The following HYDIN variants were observed in gnomAD, a reference collection of about 807,000 sequenced individuals.
HYDIN encodes HYDIN axonemal central pair apparatus protein, also known as axonemal central pair apparatus protein HYDIN.
In HYDIN, 132 loss-of-function variants were observed where a neutral mutation model predicts 403.9. That is an observed-to-expected ratio of 0.33 (90% CI 0.28 to 0.38). HYDIN has a LOEUF of 0.38. Among genes scored for constraint, HYDIN ranks in the 10% least tolerant of loss-of-function variants. The pLI, the probability that HYDIN is intolerant of heterozygous loss-of-function variation, is 1.00. For missense variants in HYDIN, 2,827 were observed against 5,009.5 expected, an observed-to-expected ratio of 0.56 and a Z score of 13.15; for synonymous variants, 1,202 against 1,891.7, an observed-to-expected ratio of 0.64 and a Z score of 9.46.
chr16:70,961,485 C>G (rs1188433524), intron 38 of HYDIN, among the ~76,000 whole-genome samples: 1 of 152,158 alleles, frequency 6.6e-6, no homozygotes, highest in African/African-American at 2.4e-5. Flanking sequence ...CCCCATGAAC[C>G]CAGTTTCACT....
At chr16:71,098,671 C>T (rs1212790599) in intron 10 of HYDIN, among the ~76,000 whole-genome samples, 2 of 147,012 alleles carry the variant, frequency 1.4e-5, no homozygotes, top group South Asian at 2.1e-4. Context: ...GAATAAACTG[C>T]AGGACTATTT....
rs1356313252 is a variant in HYDIN, at chr16:70,804,716, C to A, written c.*2864G>T. Reference sequence around the variant, plus strand: ...CAGGGTCTACGTGATTCTGAAACAGCAGGCACCAAACAGCTATGAGGAAGC... The same window carrying A: ...CAGGGTCTACGTGATTCTGAAACAGAAGGCACCAAACAGCTATGAGGAAGC... On this transcript the variant is annotated 3_prime_UTR_variant, in exon 86 of 86. Transcript: ENST00000393567. Among the ~76,000 whole-genome samples the A allele has an allele frequency of 6.6e-6, 1 of 152,226 alleles. No individual in the cohort carries two copies. The highest frequency in any genetic ancestry group is 2.4e-5 in the African/African-American group (1 of 41,458).
chr16:71,107,476 GA>G (rs1306021584), intron 10 of HYDIN, among the ~76,000 whole-genome samples: 1 of 149,848 alleles, frequency 6.7e-6, no homozygotes, highest in Non-Finnish European at 1.5e-5. Flanking sequence ...CAATTTATAA[GA>G]AAAAAACAAA....
chr16:71,026,745 TA>T (rs1391553083), intron 20 of HYDIN, among the ~76,000 whole-genome samples: 12 of 152,384 alleles, frequency 7.9e-5, no homozygotes, highest in African/African-American at 2.9e-4. Flanking sequence ...AGAAATAATC[TA>T]ATGAAATAAA....
At chr16:70,981,625 C>T (rs1447788688) in intron 28 of HYDIN, 57 bp from the exon 29 acceptor site, 2 of 1,493,332 alleles carry the variant, frequency 1.3e-6, no homozygotes, top group Middle Eastern at 1.9e-4. Context: ...ACAGGTTCAA[C>T]TCATTAAATT....
chr16:71,106,168 CCTCTCTCT>C (rs10549453), intron 10 of HYDIN, among the ~76,000 whole-genome samples: 1 of 144,700 alleles, frequency 6.9e-6, no homozygotes, highest in Non-Finnish European at 1.5e-5. Flanking sequence ...TCCCTCCCTC[CCTCTCTCT>C]CTCTCTCTCT....
chr16:71,136,079 A>G (rs1459447909), intron 8 of HYDIN, among the ~76,000 whole-genome samples: 1 of 150,028 alleles, frequency 6.7e-6, no homozygotes, highest in Non-Finnish European at 1.5e-5. Context: ...TGAAAGCAGC[A>G]AAAGTGTTAA....
At chr16:70,961,603 G>GGCCCAACT (rs2078421882) in intron 38 of HYDIN, among the ~76,000 whole-genome samples, 1 of 152,154 alleles carries the variant, frequency 6.6e-6, no homozygotes, top group Non-Finnish European at 1.5e-5. Context: ...GCTCCCTAAT[G>GGCCCAACT]GCCCAACTGG....
At chr16:71,020,865 C>T (rs934708481) in intron 21 of HYDIN, among the ~76,000 whole-genome samples, 6 of 146,666 alleles carry the variant, frequency 4.1e-5, no homozygotes, top group Non-Finnish European at 7.5e-5. Context: ...AAAAGTGGAC[C>T]TACATAACCC....
intron 16 of HYDIN, chr16:71,062,601 C>T (rs978892952): frequency 1.1e-4 from 34 of 322,474 alleles, no homozygotes; most frequent in African/African-American, 4.5e-4. Flanking sequence ...CAGCTTTCCA[C>T]TTTCCTTAGG....
Position 71,027,618 on chromosome 16 carries a change from T to C in HYDIN, c.3026A>G (p.Tyr1009Cys). The C allele has an allele frequency of 1.2e-6, 2 of 1,613,988 alleles. No individual in the cohort carries two copies. Among genetic ancestry groups the C allele is most frequent in the Non-Finnish European group, 1.7e-6 (2 of 1,179,998 alleles). ...TCCCCTTACCCTGGGAGTAGCAGAA[T>C]AGCCTTCGAGTATCACATCAATTGC... is the stretch of plus-strand genomic sequence containing the variant. ...GQAIDVILEG[Y>C]SATPRIVKEK... The change falls in exon 20 of 86, where the codon TAT (tyrosine) becomes TGT (cysteine). Residue 1009 changes from tyrosine (Y) to cysteine (C), a missense_variant. Physicochemically the swap from Tyr to Cys is radical, Grantham distance 194 (BLOSUM62 -2). Transcript: ENST00000393567.
chr16:70,886,677 T>C (rs2143703159), intron 58 of HYDIN, among the ~76,000 whole-genome samples: 1 of 152,372 alleles, frequency 6.6e-6, no homozygotes, highest in South Asian at 2.1e-4. Context: ...AGAAATATTT[T>C]TGCTGGATAT....
intron 69 of HYDIN, 144 bp from the exon 70 acceptor site, chr16:70,861,045 C>G: frequency 1.6e-6 from 1 of 609,026 alleles, no homozygotes; most frequent in Non-Finnish European, 2.9e-6. Flanking sequence ...TAGCATCACT[C>G]AGTGCCTTGA....
intron 17 of HYDIN, among the ~76,000 whole-genome samples, chr16:71,061,556 T>G (rs1474582568): frequency 1.3e-5 from 2 of 152,206 alleles, no homozygotes; most frequent in Non-Finnish European, 1.5e-5. Flanking sequence ...CCTCTTCCTC[T>G]TCCTCTTGGA....
chr16:70,901,255 G>GT, intron 52 of HYDIN, 53 bp from the exon 53 acceptor site: 1 of 1,460,512 alleles, frequency 6.8e-7, no homozygotes. Context: ...GTAGTTTCAT[G>GT]TGTTTTTTTT....
chr16:70,925,823 A>G (rs962208129), intron 45 of HYDIN, among the ~76,000 whole-genome samples: 8 of 152,228 alleles, frequency 5.3e-5, no homozygotes, highest in African/African-American at 1.7e-4. Context: ...CACTTCTCAA[A>G]AGAAGATATT....
rs910369737 is a variant in HYDIN, at chr16:71,093,705, G to A, written c.1446+112C>T. 52 of 1,232,226 alleles carry A rather than the reference G, an allele frequency of 4.2e-5. No homozygotes were observed. The African/African-American group carries it at 6.2e-4, about 15-fold the overall frequency. The allele number at this position is 1,232,226 out of a possible 1,614,324, so 76.3% of individuals were successfully genotyped here. A position where few individuals can be genotyped will look rare whatever the true frequency, so the allele number is the denominator to read the frequency against. Reference sequence around the variant, plus strand: ...CAGGGTCTCAACAAGGATGAGTAACGGCGAATAAATGTGATTGCATACTCT... The same window carrying A: ...CAGGGTCTCAACAAGGATGAGTAACAGCGAATAAATGTGATTGCATACTCT... On this transcript the variant is annotated intron_variant, in intron 11 of 85. Transcript: ENST00000393567.
intron 18 of HYDIN, among the ~76,000 whole-genome samples, chr16:71,050,351 G>C (rs1397789892): frequency 7.8e-5 from 11 of 140,902 alleles, no homozygotes; most frequent in Non-Finnish European, 1.4e-4. Flanking sequence ...AGAATCATAT[G>C]CTCAGCTAAA....
At chr16:70,888,727 C>T (rs1481993135) in intron 58 of HYDIN, among the ~76,000 whole-genome samples, 1 of 152,184 alleles carries the variant, frequency 6.6e-6, no homozygotes, top group African/African-American at 2.4e-5. Flanking sequence ...ATTCGACCTT[C>T]TCCGACGCCA....
Sources: allele counts gnomAD v4.1 joint callset (sites outside exome capture counted in the v4.1 genomes callset), GRCh38; gene constraint gnomAD v4.1.1; transcripts MANE v1.5; gene names NCBI Gene and HGNC (gene_info 2026-07-23, HGNC 2026-07-21).